The following IQCM variants were observed in gnomAD, a reference collection of about 807,000 sequenced individuals.
IQCM encodes IQ domain-containing protein M.
Under a neutral mutation model 57.6 loss-of-function variants are expected in IQCM, and 45 were observed. The ratio of observed to expected loss-of-function variants is 0.78; its 90% CI spans 0.62 to 1.00. The LOEUF (loss-of-function observed/expected upper bound fraction) is 1.00. Among genes scored for constraint, IQCM ranks in the 50% least tolerant of loss-of-function variants. IQCM has a pLI of 0.00. For synonymous variants in IQCM, 148 were observed against 158.9 expected, an observed-to-expected ratio of 0.93 and a Z score of 0.51; for missense variants, 468 against 511.6, an observed-to-expected ratio of 0.91 and a Z score of 0.82.
At chr4:149,442,720 C>T (rs892474707) in intron 12 of IQCM, among the ~76,000 whole-genome samples, 1 of 151,908 alleles carries the variant, frequency 6.6e-6, no homozygotes, top group Non-Finnish European at 1.5e-5. Context: ...CCTTACCATG[C>T]TCCTCACTTC....
chr4:149,433,662 G>T lies in IQCM; in HGVS notation c.1229-105C>A, dbSNP rs1735077554. ...TAAAAACTAACATTTGGATACAACA[G>T]GTCACACTGAAAACATGTCTTTTTT... On this transcript the variant is annotated intron_variant, in intron 12 of 13. Coordinates refer to ENST00000636793, the MANE Select transcript of IQCM (RefSeq NM_001363507.2). 3 of 423,722 alleles carry T rather than the reference G, an allele frequency of 7.1e-6. No homozygotes were observed. In the Admixed American group the frequency reaches 1.3e-4, roughly 19 times the overall value. The allele number at this position is 423,722 out of a possible 1,614,324, so 26.2% of individuals were successfully genotyped here. A position where few individuals can be genotyped will look rare whatever the true frequency, so the allele number is the denominator to read the frequency against.
At chr4:149,550,954 T>C (rs1239230715) in intron 11 of IQCM, among the ~76,000 whole-genome samples, 2 of 152,226 alleles carry the variant, frequency 1.3e-5, no homozygotes, top group African/African-American at 4.8e-5. Flanking sequence ...TCCTTTATTC[T>C]GTTTTTGCCA....
At chr4:149,392,099 G>T (rs974519295) in intron 13 of IQCM, among the ~76,000 whole-genome samples, 1 of 141,230 alleles carries the variant, frequency 7.1e-6, no homozygotes, top group Non-Finnish European at 1.5e-5. Flanking sequence ...TTGTTCAGTT[G>T]TCTATTTCTC....
rs144416069 is a variant in IQCM, at chr4:149,566,515, C to CGAGA, written c.750-2629_750-2626dup. Among the ~76,000 whole-genome samples the CGAGA allele has an allele frequency of 6.1e-5, 9 of 146,752 alleles. No individual in the cohort carries two copies. In the East Asian group the frequency reaches 7.9e-4, roughly 13 times the overall value. On this transcript the variant is annotated intron_variant, in intron 9 of 13. Transcript: ENST00000636793. ...GTGTGTGCGTGTGTGTACACATGTA[C>CGAGA]GAGAGAGAGAGAGAGAGAGAAAAGT...
rs534083809 is a variant in IQCM, at chr4:149,570,200, A to G, written c.750-6310T>C. Among the ~76,000 whole-genome samples, 20 of 152,242 alleles carry G rather than the reference A, an allele frequency of 1.3e-4. No homozygotes were observed. In the South Asian group the frequency reaches 3.5e-3, roughly 27 times the overall value. Reference sequence around the variant, plus strand: ...ATGCCTTTACTGAGTTCATTATAGAAGTATTTATTTACAAAGTTTTAATAA... The same window carrying G: ...ATGCCTTTACTGAGTTCATTATAGAGGTATTTATTTACAAAGTTTTAATAA... On this transcript the variant is annotated intron_variant, in intron 9 of 13. Transcript: ENST00000636793.
chr4:149,549,577 T>C (rs185337439), intron 11 of IQCM, among the ~76,000 whole-genome samples: 42 of 145,180 alleles, frequency 2.9e-4, no homozygotes, highest in African/African-American at 1.1e-3. Flanking sequence ...AATAATTTCT[T>C]TTTTTCTCTT....
At chr4:149,595,283 C>CT (rs898572445) in intron 8 of IQCM, among the ~76,000 whole-genome samples, 80 of 151,790 alleles carry the variant, frequency 5.3e-4, no homozygotes, top group Admixed American at 9.8e-4. Flanking sequence ...GCAACCCCTG[C>CT]TTTTTTTTGT....
chr4:149,371,845 G>A (rs981571354), intron 13 of IQCM, among the ~76,000 whole-genome samples: 13 of 152,134 alleles, frequency 8.5e-5, no homozygotes, highest in Middle Eastern at 6.8e-3. Context: ...CTGGATTCAC[G>A]TGTAGCATTT....
chr4:149,665,825 A>G (rs2150164624), intron 7 of IQCM, among the ~76,000 whole-genome samples: 1 of 152,270 alleles, frequency 6.6e-6, no homozygotes, highest in Middle Eastern at 3.4e-3. Context: ...CCAGGATAAA[A>G]GCAGGTGGAG....
intron 12 of IQCM, among the ~76,000 whole-genome samples, chr4:149,511,527 CTAAATAAATAAATAAATAAATAAA>C (rs3056265): frequency 2.1e-5 from 3 of 141,812 alleles, no homozygotes; most frequent in Admixed American, 7.1e-5. Context: ...GACCCTGTCT[CTAAATAAATAAATAAATAAATAAA>C]TAAATAAATA....
At chr4:149,498,275 C>A (rs1742876527) in intron 12 of IQCM, among the ~76,000 whole-genome samples, 1 of 152,014 alleles carries the variant, frequency 6.6e-6, no homozygotes, top group South Asian at 2.1e-4. Flanking sequence ...AGAAGGAGAC[C>A]AACATTTTAT....
intron 13 of IQCM, among the ~76,000 whole-genome samples, chr4:149,404,502 T>C (rs1253860296): frequency 6.6e-6 from 1 of 152,070 alleles, no homozygotes; most frequent in Non-Finnish European, 1.5e-5. Context: ...AACTTTGCAA[T>C]ACACAAGAGG....
At chr4:149,729,160 A>ATGAT (rs995786373) in intron 5 of IQCM, among the ~76,000 whole-genome samples, 3 of 152,198 alleles carry the variant, frequency 2.0e-5, no homozygotes, top group African/African-American at 7.2e-5. Flanking sequence ...TGAATAGACA[A>ATGAT]TGATTTTGTC....
intron 7 of IQCM, among the ~76,000 whole-genome samples, chr4:149,670,091 G>T (rs1012074463): frequency 6.6e-6 from 1 of 152,132 alleles, no homozygotes; most frequent in Non-Finnish European, 1.5e-5. Context: ...TCAAAATATT[G>T]TTTCTTCCTA....
intron 5 of IQCM, among the ~76,000 whole-genome samples, chr4:149,692,072 T>C (rs954602012): frequency 3.9e-5 from 6 of 152,100 alleles, no homozygotes; most frequent in Non-Finnish European, 1.5e-5. Flanking sequence ...TAAAATTACT[T>C]TGAGGACATG....
At chr4:149,647,049 C>T (rs1053272520) in intron 7 of IQCM, among the ~76,000 whole-genome samples, 8 of 152,178 alleles carry the variant, frequency 5.3e-5, no homozygotes, top group African/African-American at 1.9e-4. Flanking sequence ...TCTTTTGCCA[C>T]TTGTTCCTTT....
At chr4:149,610,909 A>G (rs534900208) in intron 8 of IQCM, among the ~76,000 whole-genome samples, 1 of 152,240 alleles carries the variant, frequency 6.6e-6, no homozygotes, top group African/African-American at 2.4e-5. Context: ...CAGCAAAGAA[A>G]TCAACAAAGT....
intron 8 of IQCM, among the ~76,000 whole-genome samples, chr4:149,602,329 A>G (rs1361773683): frequency 6.6e-6 from 1 of 152,124 alleles, no homozygotes; most frequent in African/African-American, 2.4e-5. Context: ...TGGATACTGG[A>G]ACCAATCCCC....
At chr4:149,812,947 G>T (rs1774722131) in intron 2 of IQCM, among the ~76,000 whole-genome samples, 1 of 152,128 alleles carries the variant, frequency 6.6e-6, no homozygotes, top group African/African-American at 2.4e-5. Flanking sequence ...CTGGTTATCA[G>T]TCAGCTACAT....
Sources: gnomAD v4.1 joint callset for allele counts (sites outside exome capture counted in the v4.1 genomes callset) on GRCh38, gnomAD v4.1.1 for gene constraint, MANE v1.5 for transcripts, NCBI Gene and HGNC (gene_info 2026-07-23, HGNC 2026-07-21) for gene names.